PLXNA2: variants seen among roughly 807,000 people sequenced by gnomAD.
PLXNA2 encodes the protein plexin-A2.
PLXNA2 carries 91 observed loss-of-function variants against 193.5 expected under a neutral mutation model. The ratio of observed to expected loss-of-function variants is 0.47; its 90% CI spans 0.40 to 0.56. The LOEUF is 0.56. Ranked by LOEUF, PLXNA2 falls within the 20% of genes least tolerant of loss-of-function variation. The pLI is 0.00. For synonymous variants in PLXNA2, 997 were observed against 1,027.3 expected (o/e 0.97, Z 0.56); for missense variants, 1,995 against 2,503.2 (o/e 0.80, Z 4.33).
In PLXNA2 at chr1:208,042,207, C is replaced by T. The variant is rs760681914; in HGVS notation, c.4177G>A (p.Gly1393Ser). 9.3e-6 allele frequency: 15 copies of T among 1,614,202 alleles called. 1 individual carries two copies. The highest frequency in any genetic ancestry group is 4.4e-5 in the South Asian group (4 of 91,084). Reference protein sequence around the residue: ...RGNVASLIMTGLQGRLEYATD... With the variant: ...RGNVASLIMTSLQGRLEYATD... ...GCATATTCCAGGCGGCCCTGCAGGC[C>T]GGTCATGATGAGCGAAGCCACGTTG... Residue 1393 changes from glycine to serine, a missense_variant, in exon 22 of 32, where the codon GGC becomes AGC. By Grantham distance (56) the Gly-to-Ser change is moderately conservative (BLOSUM62 0). Coordinates refer to ENST00000367033, the MANE Select transcript of PLXNA2 (RefSeq NM_025179.4).
chr1:208,079,767 C>T (rs1458678700), intron 11 of PLXNA2, among the ~76,000 whole-genome samples: 2 of 150,174 alleles, frequency 1.3e-5, no homozygotes, highest in Non-Finnish European at 3.0e-5. Context: ...CTTACCTAAT[C>T]TCTAACATGA....
In PLXNA2 at chr1:208,067,020, AG is replaced by A. The variant is rs565506899; in HGVS notation, c.2587-6184del. Among the ~76,000 whole-genome samples, 324 of 152,366 alleles carry A rather than the reference AG, an allele frequency of 2.1e-3. 4 individuals carry two copies. The highest frequency in any genetic ancestry group is 0.014 in the Middle Eastern group (4 of 294). Reference sequence around the variant, plus strand: ...GTAAGTGTTATTACAAAGAGTCAAAAGGTTAAAAAATTAAGTCTATAAAGTA... The same window carrying A: ...GTAAGTGTTATTACAAAGAGTCAAAAGTTAAAAAATTAAGTCTATAAAGTA... On this transcript the variant is annotated intron_variant, in intron 12 of 31. Coordinates refer to ENST00000367033, the MANE Select transcript of PLXNA2 (RefSeq NM_025179.4).
intron 1 of PLXNA2, among the ~76,000 whole-genome samples, chr1:208,241,604 C>T (rs756320159): frequency 5.9e-5 from 9 of 152,230 alleles, no homozygotes; most frequent in Non-Finnish European, 1.2e-4. Context: ...TTTACCACTG[C>T]TGCTCCTCAG....
chr1:208,130,813 A>G (rs939341010), intron 4 of PLXNA2, among the ~76,000 whole-genome samples: 1 of 152,138 alleles, frequency 6.6e-6, no homozygotes, highest in Non-Finnish European at 1.5e-5. Context: ...GATCAACCCC[A>G]TTGAGAAACC....
chr1:208,229,208 G>A (rs1245015401), intron 1 of PLXNA2, among the ~76,000 whole-genome samples: 1 of 152,134 alleles, frequency 6.6e-6, no homozygotes, highest in Non-Finnish European at 1.5e-5. Flanking sequence ...TGACTTTGGA[G>A]GAGAGAAAGG....
intron 12 of PLXNA2, among the ~76,000 whole-genome samples, chr1:208,072,291 G>A (rs1465500378): frequency 6.6e-6 from 1 of 152,200 alleles, no homozygotes; most frequent in Non-Finnish European, 1.5e-5. Flanking sequence ...AGAAACAGCT[G>A]TTAAACTAAC....
intron 9 of PLXNA2, among the ~76,000 whole-genome samples, chr1:208,085,322 G>A (rs1474023938): frequency 2.6e-5 from 4 of 152,090 alleles, no homozygotes; most frequent in African/African-American, 7.2e-5. Flanking sequence ...TTCTCTCCTC[G>A]GGCAGATGAG....
intron 3 of PLXNA2, among the ~76,000 whole-genome samples, chr1:208,148,156 G>A (rs779644707): frequency 6.6e-6 from 1 of 152,154 alleles, no homozygotes; most frequent in Non-Finnish European, 1.5e-5. Context: ...CTTACCTGCA[G>A]CCCCCTCTAA....
chr1:208,062,305 T>C (rs1665644900), intron 12 of PLXNA2, among the ~76,000 whole-genome samples: 4 of 152,136 alleles, frequency 2.6e-5, no homozygotes, highest in Admixed American at 2.0e-4. Context: ...ACCCTTCTTA[T>C]CTCCTGGCTT....
intron 29 of PLXNA2, chr1:208,030,741 G>A (rs955619434): frequency 1.0e-6 from 1 of 985,442 alleles, no homozygotes; most frequent in African/African-American, 1.7e-5. Context: ...AGCTGCGTGG[G>A]CTGCCTGCCC....
chr1:208,163,706 T>C (rs1669206312), intron 3 of PLXNA2, among the ~76,000 whole-genome samples: 1 of 152,258 alleles, frequency 6.6e-6, no homozygotes, highest in Admixed American at 6.5e-5. Flanking sequence ...CCCATGCTGC[T>C]TATTGAACTT....
rs756691892 is a variant in PLXNA2 at position 208,084,458 on chromosome 1, G to T, written c.2220C>A (p.Val740=). 1 of 1,614,260 alleles carries T rather than the reference G, an allele frequency of 6.2e-7. No homozygotes were observed. The highest frequency in any genetic ancestry group is 1.7e-5 in the Admixed American group (1 of 60,034). ...PQSGQRGYEC[V]LNIQGAIHRV... Reference sequence around the variant, plus strand: ...GGTGGATGGCTCCTTGTATGTTGAGGACACACTCATAGCCTCGCTGGCCGG... The same window carrying T: ...GGTGGATGGCTCCTTGTATGTTGAGTACACACTCATAGCCTCGCTGGCCGG... Residue 740 remains valine (V), a synonymous_variant, in exon 10 of 32, where the codon GTC becomes GTA. Coordinates refer to ENST00000367033, the MANE Select transcript of PLXNA2 (RefSeq NM_025179.4).
chr1:208,050,651 A>G (rs1487551670), intron 17 of PLXNA2, among the ~76,000 whole-genome samples: 1 of 152,036 alleles, frequency 6.6e-6, no homozygotes, highest in African/African-American at 2.4e-5. Flanking sequence ...TGGGCAAAAG[A>G]GAGAGACCTC....
In PLXNA2 at chr1:208,220,191, C is replaced by T. The variant is rs1311082425; in HGVS notation, c.-80-2189G>A. Among the ~76,000 whole-genome samples the T allele has an allele frequency of 7.9e-5, 12 of 152,206 alleles. 1 individual carries two copies. The South Asian group carries it at 1.7e-3, about 21-fold the overall frequency. ...CGGTTAAGATCAGCCACCTCACCTC[C>T]CTGCTTGGTATCCTCCCAAGACACA... is the stretch of plus-strand genomic sequence containing the variant. On this transcript the variant is annotated intron_variant, in intron 1 of 31. Coordinates refer to ENST00000367033, the MANE Select transcript of PLXNA2 (RefSeq NM_025179.4).
intron 1 of PLXNA2, among the ~76,000 whole-genome samples, chr1:208,224,988 C>T (rs1353310247): frequency 6.6e-6 from 1 of 152,112 alleles, no homozygotes; most frequent in Non-Finnish European, 1.5e-5. Flanking sequence ...AAATCTCGAT[C>T]AGTAATAAGG....
intron 4 of PLXNA2, among the ~76,000 whole-genome samples, chr1:208,136,390 C>T (rs1668302180): frequency 6.6e-6 from 1 of 152,218 alleles, no homozygotes; most frequent in African/African-American, 2.4e-5. Flanking sequence ...TCTGAATGTT[C>T]ACTACCTGGA....
At chr1:208,186,092 C>A (rs578072787) in intron 3 of PLXNA2, among the ~76,000 whole-genome samples, 1 of 152,308 alleles carries the variant, frequency 6.6e-6, no homozygotes, top group East Asian at 1.9e-4. Flanking sequence ...TCTGAGAGCG[C>A]TATCTTCATC....
chr1:208,058,564 G>A (rs1043909095), intron 13 of PLXNA2, among the ~76,000 whole-genome samples: 6 of 152,252 alleles, frequency 3.9e-5, no homozygotes, highest in African/African-American at 7.2e-5. Flanking sequence ...CTGAAACCTC[G>A]GGAGTGGTAA....
chr1:208,168,900 A>G (rs928032362), intron 3 of PLXNA2, among the ~76,000 whole-genome samples: 2 of 151,974 alleles, frequency 1.3e-5, no homozygotes, highest in African/African-American at 2.4e-5. Context: ...CACAAGAAGC[A>G]GGACCTCTGG....
Sources: gnomAD v4.1 joint callset for allele counts (sites outside exome capture counted in the v4.1 genomes callset) on GRCh38, gnomAD v4.1.1 for gene constraint, MANE v1.5 for transcripts, NCBI Gene and HGNC (gene_info 2026-07-23, HGNC 2026-07-21) for gene names.